The following NCOR2 variants were observed in gnomAD, a reference collection of about 807,000 sequenced individuals.
The protein encoded by NCOR2 is CTG repeat protein 26.
NCOR2 carries 81 observed loss-of-function variants against 262.9 expected under a neutral mutation model. The observed-to-expected ratio is 0.31, with a 90% CI of 0.26 to 0.37. NCOR2 has a LOEUF of 0.37. NCOR2 is among the 10% of genes least tolerant of loss of function. The probability of loss-of-function intolerance (pLI) is 1.00; values close to 1 mark genes in which losing one functional copy is unlikely to be tolerated. For missense variants in NCOR2, 3,385 were observed against 3,621.4 expected (o/e 0.93, Z 1.68); for synonymous variants, 1,659 against 1,559.3 (o/e 1.06, Z -1.51).
intron 11 of NCOR2, among the ~76,000 whole-genome samples, chr12:124,426,329 C>T (rs147483720): frequency 1.3e-5 from 2 of 152,224 alleles, no homozygotes; most frequent in East Asian, 3.9e-4. Context: ...CATGTGGGGT[C>T]GAAGGCAGAG....
chr12:124,533,813 G>A lies in NCOR2; in HGVS notation c.-118+1752C>T, dbSNP rs550331100. On this transcript the variant is annotated intron_variant, in intron 1 of 46. Coordinates refer to the NCOR2 transcript ENST00000404621. ...CACAAACCTAGACCTCAGTGCCAGC[G>A]GTACACCCAGGTTGTGTGGTGTCAT... is the stretch of plus-strand genomic sequence containing the variant. Among the ~76,000 whole-genome samples the A allele has an allele frequency of 2.0e-5, 3 of 152,282 alleles. No individual in the cohort carries two copies. In the South Asian group the frequency reaches 6.2e-4, roughly 32 times the overall value.
intron 8 of NCOR2, among the ~76,000 whole-genome samples, chr12:124,431,277 ACACAGACACACACATACAGT>A (rs1034484481): frequency 2.0e-5 from 3 of 151,888 alleles, no homozygotes; most frequent in Non-Finnish European, 4.4e-5. Flanking sequence ...ACAGGCAGAC[ACACAGACACACACATACAGT>A]CACAGACACA....
At position 124,481,826 on chromosome 12, in the gene NCOR2, C is replaced by T. The variant is rs2047509147; in HGVS notation, c.411+1770G>A. On this transcript the variant is annotated intron_variant, in intron 3 of 46. Transcript: ENST00000405201. This position sits in a 1 kb window ranked among gnomAD's most constrained non-coding sequence, Gnocchi z 4.6. ...GCAGTCGTCTGCCTTTATAAGAGCC[C>T]TCTGGCTGCTGCTTGGAAGATAAAC... Among the ~76,000 whole-genome samples, 1 of 152,146 alleles carries T rather than the reference C, an allele frequency of 6.6e-6. No individual in the cohort carries two copies. Among genetic ancestry groups the T allele is most frequent in the Non-Finnish European group, 1.5e-5 (1 of 68,018 alleles).
chr12:124,406,029 C>G (rs937410377), intron 13 of NCOR2, among the ~76,000 whole-genome samples: 1 of 152,202 alleles, frequency 6.6e-6, no homozygotes, highest in African/African-American at 2.4e-5. Flanking sequence ...TGGGCGGAGA[C>G]CCAGGCGTTC....
intron 3 of NCOR2, among the ~76,000 whole-genome samples, chr12:124,476,466 G>A (rs1355335768): frequency 6.6e-6 from 1 of 152,190 alleles, no homozygotes; most frequent in Non-Finnish European, 1.5e-5. Context: ...ACAAGGATGT[G>A]GAAGGAAGGG....
rs1292134251 is a variant in NCOR2, at chr12:124,531,060, C to T, written c.-118+4505G>A. 6.6e-6 allele frequency among the ~76,000 whole-genome samples: 1 copy of T among 152,204 alleles called. No homozygotes were observed. The highest frequency in any genetic ancestry group is 1.5e-5 in the Non-Finnish European group (1 of 68,042). Reference sequence around the variant, plus strand: ...CGGTTCCTGGGCTCCACCCAACCCGCCTCTCCCAGGGAAGCAGGGACAAAA... The same window carrying T: ...CGGTTCCTGGGCTCCACCCAACCCGTCTCTCCCAGGGAAGCAGGGACAAAA... On this transcript the variant is annotated intron_variant, in intron 1 of 46. Coordinates refer to the NCOR2 transcript ENST00000404621. The surrounding 1 kb of genome is among the most constrained non-coding windows in gnomAD (Gnocchi z 4.5).
intron 2 of NCOR2, 110 bp downstream of exon 4, chr12:124,486,331 C>T (rs2047765153): frequency 1.3e-6 from 2 of 1,494,382 alleles, no homozygotes; most frequent in Non-Finnish European, 1.8e-6. Flanking sequence ...GCCCGACATC[C>T]CCTCATTTCA....
rs1292104798 is a variant in NCOR2 at position 124,483,270 on chromosome 12, C to T, written c.411+326G>A. On this transcript the variant is annotated intron_variant, in intron 3 of 46. Coordinates refer to ENST00000405201, the Ensembl canonical transcript of NCOR2. This position sits in a 1 kb window ranked among gnomAD's most constrained non-coding sequence, Gnocchi z 6.3. ...AATGGCAGCTCTCTGCTCCACGGCA[C>T]CCCAGGCCCTCCCATCCCAGCTCTC... 1.3e-5 allele frequency among the ~76,000 whole-genome samples: 2 copies of T among 152,132 alleles called. No homozygotes were observed. The highest frequency in any genetic ancestry group is 3.9e-4 in the East Asian group (2 of 5,188).
intron 1 of NCOR2, among the ~76,000 whole-genome samples, chr12:124,512,220 C>T (rs2049433792): frequency 6.6e-6 from 1 of 152,184 alleles, no homozygotes; most frequent in African/African-American, 2.4e-5. Context: ...CCAACGACAG[C>T]AATTTATTCT....
chr12:124,382,745 G>A (rs2040501397), intron 17 of NCOR2, among the ~76,000 whole-genome samples: 1 of 152,264 alleles, frequency 6.6e-6, no homozygotes, highest in East Asian at 1.9e-4. Context: ...GATACAGCAG[G>A]CGCTGAATAT....
In NCOR2 at chr12:124,325,500, CG is replaced by C; in HGVS notation, c.7446del (p.Ala2483ArgfsTer91). ...GGGCCAGCGAGGGGCCCGCTGCCCGCGGGGAGGCCCGGTGGGGGTGGGGAAG... is the reference window on the plus strand; with the variant it reads ...GGGCCAGCGAGGGGCCCGCTGCCCGCGGGAGGCCCGGTGGGGGTGGGGAAG... On this transcript the variant is annotated frameshift_variant, in exon 47 of 47. Coordinates refer to ENST00000405201, the Ensembl canonical transcript of NCOR2. LOFTEE classifies it high-confidence loss of function. 7.4e-7 allele frequency: 1 copy of C among 1,355,250 alleles called. No homozygotes were observed. The highest frequency in any genetic ancestry group is 9.5e-7 in the Non-Finnish European group (1 of 1,050,196). 84.0% of individuals were successfully genotyped at this position (1,355,250 alleles called of 1,614,324 possible).
chr12:124,411,936 C>T (rs2042607360), intron 13 of NCOR2, among the ~76,000 whole-genome samples: 1 of 152,212 alleles, frequency 6.6e-6, no homozygotes, highest in African/African-American at 2.4e-5. Context: ...TGTGGAGGGG[C>T]TAGCATTCCA....
exon 32 of NCOR2, chr12:124,344,889 G>T: frequency 6.3e-7 from 1 of 1,582,246 alleles, no homozygotes; most frequent in Non-Finnish European, 8.6e-7. Flanking sequence ...CGATGAGGGA[G>T]CGTACGTCGT....
Position 124,566,252 on chromosome 12 carries a change from GACAGA to G in NCOR2, c.-165+1051_-165+1055del, listed in dbSNP as rs1384856170. ...GGGGAGGAAGGGAGGAGGCTGAGCC[GACAGA>G]ACAGATCCGCCCCCGCTGCCTGCAC... On this transcript the variant is annotated intron_variant, in intron 1 of 32. Transcript: ENST00000458234. This position sits in a 1 kb window ranked among gnomAD's most constrained non-coding sequence, Gnocchi z 4.3. Among the ~76,000 whole-genome samples the G allele has an allele frequency of 1.3e-5, 2 of 152,228 alleles. No individual in the cohort carries two copies. Among genetic ancestry groups the G allele is most frequent in the Non-Finnish European group, 2.9e-5 (2 of 68,044 alleles).
chr12:124,385,902 G>C lies in NCOR2; in HGVS notation c.1877-15C>G. ...TTCCAGGAGACCTGTCTCAGGAGAG[G>C]AGGGCAGTGAGAAGAGGCCAGGCCC... is the stretch of plus-strand genomic sequence containing the variant. On this transcript the variant is annotated splice_polypyrimidine_tract_variant and intron_variant, in intron 16 of 46. Transcript: ENST00000405201. The C allele has an allele frequency of 6.2e-7, 1 of 1,611,672 alleles. No individual in the cohort carries two copies. Among genetic ancestry groups the C allele is most frequent in the Non-Finnish European group, 8.5e-7 (1 of 1,179,176 alleles).
exon 45 of NCOR2, chr12:124,327,613 G>T (rs1379594035): frequency 6.2e-7 from 1 of 1,610,218 alleles, no homozygotes; most frequent in Non-Finnish European, 8.5e-7. Flanking sequence ...TGCACCGCCT[G>T]GCTTCTATAG....
intron 37 of NCOR2, among the ~76,000 whole-genome samples, chr12:124,338,366 G>C (rs1349154850): frequency 2.0e-5 from 3 of 151,966 alleles, no homozygotes; most frequent in Non-Finnish European, 2.9e-5. Flanking sequence ...AAATTAGCCG[G>C]GTGTGGTTGC....
At chr12:124,530,722 A>G (rs1167482710) in intron 1 of NCOR2, among the ~76,000 whole-genome samples, 3 of 152,150 alleles carry the variant, frequency 2.0e-5, no homozygotes, top group Non-Finnish European at 2.9e-5. Context: ...TCTGCCCCTC[A>G]GTCTCCCCCT....
At chr12:124,529,500 A>G (rs549208980) in intron 1 of NCOR2, among the ~76,000 whole-genome samples, 109 of 152,336 alleles carry the variant, frequency 7.2e-4, no homozygotes, top group Non-Finnish European at 1.2e-3. Flanking sequence ...AAAAAAATAA[A>G]TAACAACACT....
Sources: gnomAD v4.1 joint callset for allele counts (sites outside exome capture counted in the v4.1 genomes callset) on GRCh38, gnomAD v4.1.1 for gene constraint, Gnocchi (gnomAD v3.1) non-coding constraint, MANE v1.5 for transcripts, NCBI Gene and HGNC (gene_info 2026-07-23, HGNC 2026-07-21) for gene names.